Variants in ZNF44 observed in about 807,000 individuals in gnomAD.
ZNF44 encodes gonadotropin inducible transcription repressor-2.
Under a neutral mutation model 11.7 loss-of-function variants are expected in ZNF44, and 9 were observed. The observed-to-expected ratio is 0.77, with a 90% CI of 0.46 to 1.35. The LOEUF (loss-of-function observed/expected upper bound fraction) is 1.35, where lower values mean the gene tolerates loss of function less well. ZNF44 is among the 40% of genes most tolerant of loss of function. The pLI is 0.00. For synonymous variants in ZNF44, 224 were observed against 242.7 expected (o/e 0.92, Z 0.72); for missense variants, 696 against 743.1 (o/e 0.94, Z 0.74).
At chr19:12,291,017 A>G (rs957037162) in intron 1 of ZNF44, 1 of 254,932 alleles carries the variant, frequency 3.9e-6, no homozygotes, top group Non-Finnish European at 7.8e-6. Context: ...TGTTTACAGG[A>G]GGGAAGGAAA....
At chr19:12,238,298 T>C (rs540917393), upstream of ZNF44, among the ~76,000 whole-genome samples, 699 of 152,092 alleles carry the variant, frequency 4.6e-3, 3 homozygotes, top group African/African-American at 0.016. Context: ...GAGACCGCTC[T>C]GGCCAACATG....
chr19:12,236,435 C>T (rs1309421055), intron 1 of ZNF44, among the ~76,000 whole-genome samples: 2 of 152,108 alleles, frequency 1.3e-5, no homozygotes, highest in African/African-American at 2.4e-5. Context: ...GTTTAGCCTC[C>T]GACTACATAA....
chr19:12,256,942 G>A (rs1038707023), intron 5 of ZNF44, among the ~76,000 whole-genome samples: 1 of 151,946 alleles, frequency 6.6e-6, no homozygotes, highest in East Asian at 1.9e-4. Context: ...TCCTGACCTC[G>A]AGTGATCTTC....
At chr19:12,266,020 G>A (rs578018443) in intron 5 of ZNF44, among the ~76,000 whole-genome samples, 11 of 152,340 alleles carry the variant, frequency 7.2e-5, no homozygotes, top group African/African-American at 2.6e-4. Flanking sequence ...CGGGCCTGCG[G>A]GCGCGGAGCT....
At chr19:12,257,358 A>C (rs989057132) in intron 5 of ZNF44, among the ~76,000 whole-genome samples, 1 of 152,176 alleles carries the variant, frequency 6.6e-6, no homozygotes, top group East Asian at 1.9e-4. Context: ...TTTAAGAACA[A>C]GCCAAATTAG....
chr19:12,250,282 T>A, exon 6 of ZNF44: 4 of 1,366,282 alleles, frequency 2.9e-6, no homozygotes, highest in Non-Finnish European at 3.9e-6. Flanking sequence ...ACATCACGTC[T>A]CTGTAGAGTT....
intron 5 of ZNF44, chr19:12,260,166 C>A: frequency 1.3e-6 from 1 of 766,010 alleles, no homozygotes; most frequent in South Asian, 1.4e-5. Flanking sequence ...CAGAACTGCT[C>A]CAGTTTCTGA....
chr19:12,260,355 G>A, intron 5 of ZNF44: 2 of 1,094,984 alleles, frequency 1.8e-6, no homozygotes, highest in Non-Finnish European at 2.7e-6. Flanking sequence ...CACCTCCTAC[G>A]CGCGGACCAC....
chr19:12,245,902 C>T (rs969092726), downstream of ZNF44, among the ~76,000 whole-genome samples: 2 of 152,154 alleles, frequency 1.3e-5, no homozygotes, highest in South Asian at 2.1e-4. Context: ...GCCTGTTTTC[C>T]TGATACTTTG....
exon 8 of ZNF44, chr19:12,248,396 T>G: frequency 7.7e-7 from 1 of 1,291,046 alleles, no homozygotes; most frequent in Non-Finnish European, 1.0e-6. Flanking sequence ...TTCTTTTATG[T>G]TTTTTAAAAG....
chr19:12,283,510 T>C (rs1286318040), intron 1 of ZNF44, among the ~76,000 whole-genome samples: 6 of 152,066 alleles, frequency 3.9e-5, no homozygotes, highest in Non-Finnish European at 7.4e-5. Context: ...TTTGTATTTT[T>C]AGTAGAGACG....
chr19:12,248,818 T>C (rs1916862535), intron 7 of ZNF44: 6 of 395,332 alleles, frequency 1.5e-5, no homozygotes, highest in Admixed American at 4.2e-5. Context: ...GTGAGGTGAA[T>C]GTACTGAATG....
chr19:12,250,082 T>G (rs1168485311), intron 6 of ZNF44: 3 of 1,257,094 alleles, frequency 2.4e-6, no homozygotes, highest in Non-Finnish European at 3.1e-6. Context: ...TTATTAGAAA[T>G]TACAGAAAAA....
At chr19:12,225,581 ATAAT>A (rs1241066161), downstream of ZNF44, among the ~76,000 whole-genome samples, 1 of 152,230 alleles carries the variant, frequency 6.6e-6, no homozygotes, top group Non-Finnish European at 1.5e-5. Context: ...TATGAGGATA[ATAAT>A]TAAGCGAAAT....
rs1966972648 is a variant in ZNF44, at chr19:12,272,144, G to A, written c.*263C>T. ...CCTGAGTAGCTAGGACTACAGGTGTGAGCAACTATGCCTGGCTATTTTTTT... is the reference window on the plus strand; with the variant it reads ...CCTGAGTAGCTAGGACTACAGGTGTAAGCAACTATGCCTGGCTATTTTTTT... On this transcript the variant is annotated 3_prime_UTR_variant, in exon 4 of 4. Transcript: ENST00000355684. 3.0e-6 allele frequency: 1 copy of A among 328,074 alleles called. No homozygotes were observed. The highest frequency in any genetic ancestry group is 5.2e-6 in the Non-Finnish European group (1 of 193,976). The allele number at this position is 328,074 out of a possible 1,614,324, so 20.3% of individuals were successfully genotyped here.
At chr19:12,289,497 A>G (rs1967910776) in intron 1 of ZNF44, among the ~76,000 whole-genome samples, 1 of 151,838 alleles carries the variant, frequency 6.6e-6, no homozygotes, top group African/African-American at 2.4e-5. Context: ...TTCACCCTCC[A>G]TCCTGCCCTC....
At chr19:12,241,191 A>G (rs576352056), upstream of ZNF44, among the ~76,000 whole-genome samples, 16 of 152,322 alleles carry the variant, frequency 1.1e-4, 1 homozygote, top group South Asian at 8.3e-4. Context: ...AAATCAAAAC[A>G]CCAGTGACAG....
At position 12,232,397 on chromosome 19, in the gene ZNF44, A is replaced by G. The variant is rs1916201133; in HGVS notation, n.381-1882T>C. 1.3e-5 allele frequency among the ~76,000 whole-genome samples: 2 copies of G among 152,162 alleles called. 1 individual carries two copies. The highest frequency in any genetic ancestry group is 4.1e-4 in the South Asian group (2 of 4,834). On this transcript the variant is annotated intron_variant and non_coding_transcript_variant, in intron 2 of 3. Transcript: ENST00000597563. The stretch of plus-strand genomic sequence containing the variant: ...ACGGGTGTCGGGCTGGGGGACAGTC[A>G]GGTCTTTCCCTTCCCACGAGGCCAT...
rs1296678626 is a variant in ZNF44 at position 12,275,974 on chromosome 19, T to G, written c.112A>C (p.Arg38=). 1 of 1,606,078 alleles carries G rather than the reference T, an allele frequency of 6.2e-7. No individual in the cohort carries two copies. The highest frequency in any genetic ancestry group is 8.5e-7 in the Non-Finnish European group (1 of 1,174,674). ...TCCATACCTATACAGTTCAGGTTCC[T>G]AATGGTTTCTCGCATCACATCTCTG... ...LYRDVMRETI[R]NLNCIGMKWE... is the part of the protein sequence containing the mutation. The change falls in exon 2 of 4, where the codon AGG becomes CGG. Residue 38 remains arginine (R), a synonymous_variant. Coordinates refer to ENST00000355684, the MANE Select transcript of ZNF44 (RefSeq NM_016264.4).
Sources: gnomAD v4.1 joint callset for allele counts (sites outside exome capture counted in the v4.1 genomes callset) on GRCh38, gnomAD v4.1.1 for gene constraint, MANE v1.5 for transcripts, NCBI Gene and HGNC (gene_info 2026-07-23, HGNC 2026-07-21) for gene names.